The following DCC variants were observed in gnomAD, a reference collection of about 807,000 sequenced individuals.
The protein encoded by DCC is DCC netrin 1 receptor, also known as netrin receptor DCC.
DCC carries 58 observed loss-of-function variants against 172.5 expected under a neutral mutation model. The ratio of observed to expected loss-of-function variants is 0.34; its 90% CI spans 0.27 to 0.42. DCC has a LOEUF of 0.42. DCC is among the 10% of genes least tolerant of loss of function. The pLI is 1.00. For synonymous variants in DCC, 709 were observed against 644.5 expected (o/e 1.10, Z -1.52); for missense variants, 1,740 against 1,791.0 (o/e 0.97, Z 0.51).
intron 1 of DCC, among the ~76,000 whole-genome samples, chr18:52,469,786 G>A: frequency 6.6e-6 from 1 of 152,092 alleles, no homozygotes; most frequent in Middle Eastern, 3.2e-3. Flanking sequence ...AGAGATCCAG[G>A]CATCCTTCTC....
intron 22 of DCC, among the ~76,000 whole-genome samples, chr18:53,443,133 AG>A (rs1479444804): frequency 6.6e-6 from 1 of 152,204 alleles, no homozygotes; most frequent in Non-Finnish European, 1.5e-5. Context: ...CACAGACAAA[AG>A]AACCGTATAT....
chr18:52,967,019 A>G (rs1490834897), intron 5 of DCC, among the ~76,000 whole-genome samples: 3 of 152,112 alleles, frequency 2.0e-5, no homozygotes, highest in Non-Finnish European at 4.4e-5. Context: ...GGCTCACCCT[A>G]TACTAATGGT....
intron 1 of DCC, among the ~76,000 whole-genome samples, chr18:52,585,171 A>G (rs990788852): frequency 3.9e-5 from 6 of 152,216 alleles, no homozygotes; most frequent in African/African-American, 1.4e-4. Flanking sequence ...CTTCCTGGTA[A>G]CCAACATGGA....
rs1303874568 is a variant in DCC, at chr18:53,459,261, G to A, written c.3422G>A (p.Arg1141Lys). The A allele has an allele frequency of 1.9e-6, 3 of 1,614,132 alleles. No individual in the cohort carries two copies. Among genetic ancestry groups the A allele is most frequent in the Non-Finnish European group, 2.5e-6 (3 of 1,180,018 alleles). The change falls in exon 24 of 29, where the codon AGG becomes AAG. Residue 1141 changes from arginine to lysine, a missense_variant. Around this residue, in one of 2 missense-constraint regions of DCC, gnomAD observed 1,732 missense variants for 1,767.4 expected, o/e 0.98. Coordinates refer to ENST00000442544, the MANE Select transcript of DCC (RefSeq NM_005215.4). ...KKRATHSAGK[R>K]KGSQKDLRPP... is the part of the protein sequence containing the mutation. ...CGGGCCACCCACAGTGCTGGCAAAA[G>A]GAAGGGCAGCCAGAAGGACCTCCGA...
At chr18:52,397,875 G>T (rs529216831) in intron 1 of DCC, among the ~76,000 whole-genome samples, 1 of 152,128 alleles carries the variant, frequency 6.6e-6, no homozygotes, top group South Asian at 2.1e-4. Context: ...ATCTGATGGT[G>T]CTGGCCACGG....
chr18:53,409,255 G>T (rs1909844224), intron 19 of DCC, among the ~76,000 whole-genome samples: 1 of 152,134 alleles, frequency 6.6e-6, no homozygotes, highest in Admixed American at 6.6e-5. Context: ...CTGAGTCTGA[G>T]AACCCTCTGA....
chr18:52,649,668 A>C (rs188074168), intron 1 of DCC, among the ~76,000 whole-genome samples: 318 of 152,216 alleles, frequency 2.1e-3, no homozygotes, highest in African/African-American at 7.2e-3. Flanking sequence ...TGTAGTATTG[A>C]CTTTCTGAGT....
intron 1 of DCC, among the ~76,000 whole-genome samples, chr18:52,742,541 G>A (rs1279842436): frequency 6.6e-6 from 1 of 152,116 alleles, no homozygotes; most frequent in Non-Finnish European, 1.5e-5. Flanking sequence ...ATGAAGGAAT[G>A]GCATGAAGAT....
intron 7 of DCC, among the ~76,000 whole-genome samples, chr18:53,152,555 T>TA (rs1163101919): frequency 1.1e-4 from 16 of 141,326 alleles, no homozygotes; most frequent in Admixed American, 8.2e-4. Context: ...TGGCTATTAT[T>TA]AAAAAATTTT....
At chr18:53,459,552 T>C in intron 24 of DCC, 94 bp downstream of exon 24, 1 of 816,660 alleles carries the variant, frequency 1.2e-6, no homozygotes. Context: ...CCCTACTAAT[T>C]TGCATGTCAT....
intron 1 of DCC, among the ~76,000 whole-genome samples, chr18:52,626,817 A>G (rs996832309): frequency 6.6e-6 from 1 of 152,226 alleles, no homozygotes; most frequent in African/African-American, 2.4e-5. Flanking sequence ...TAATCTAGAG[A>G]GGATTTAAAG....
At chr18:52,359,679 G>T (rs1275555258) in intron 1 of DCC, among the ~76,000 whole-genome samples, 1 of 152,108 alleles carries the variant, frequency 6.6e-6, no homozygotes, top group East Asian at 1.9e-4. Context: ...TGACTTCCTT[G>T]GGGTAGCTAT....
intron 1 of DCC, among the ~76,000 whole-genome samples, chr18:52,699,769 T>G (rs1226579054): frequency 6.6e-6 from 1 of 152,168 alleles, no homozygotes; most frequent in Non-Finnish European, 1.5e-5. Context: ...ATTACTTTTT[T>G]TTTCTCTGAA....
chr18:52,531,613 T>G (rs914458868), intron 1 of DCC, among the ~76,000 whole-genome samples: 2 of 152,194 alleles, frequency 1.3e-5, no homozygotes, highest in Admixed American at 1.3e-4. Flanking sequence ...GTGTCTGATC[T>G]ATAGCCTGTC....
intron 25 of DCC, among the ~76,000 whole-genome samples, chr18:53,484,065 T>C (rs770440656): frequency 5.4e-4 from 82 of 152,004 alleles, no homozygotes; most frequent in Non-Finnish European, 1.0e-3. Flanking sequence ...GAGATCTTTA[T>C]AGCAATCACT....
At chr18:52,790,771 T>C (rs2037748112) in intron 2 of DCC, among the ~76,000 whole-genome samples, 1 of 152,232 alleles carries the variant, frequency 6.6e-6, no homozygotes, top group Non-Finnish European at 1.5e-5. Flanking sequence ...CAAAATTCTC[T>C]GCTGCCTGCA....
chr18:52,595,801 G>A (rs1305001194), intron 1 of DCC, among the ~76,000 whole-genome samples: 1 of 149,126 alleles, frequency 6.7e-6, no homozygotes, highest in African/African-American at 2.5e-5. Context: ...ATCTCTGAAA[G>A]CACTGAACTT....
intron 12 of DCC, among the ~76,000 whole-genome samples, chr18:53,258,747 G>C (rs1454860110): frequency 1.3e-5 from 2 of 152,194 alleles, no homozygotes; most frequent in Non-Finnish European, 2.9e-5. Flanking sequence ...GCAGAGCTGA[G>C]TTTAGTTCCT....
At chr18:52,476,595 T>A (rs944210768) in intron 1 of DCC, among the ~76,000 whole-genome samples, 2 of 152,198 alleles carry the variant, frequency 1.3e-5, no homozygotes, top group African/African-American at 4.8e-5. Flanking sequence ...AAACATTTGT[T>A]ACAAATTAAT....
Sources: gnomAD v4.1 joint callset for allele counts (sites outside exome capture counted in the v4.1 genomes callset) on GRCh38, gnomAD v4.1.1 for gene constraint, gnomAD v4.1.1 regional missense constraint, MANE v1.5 for transcripts, NCBI Gene and HGNC (gene_info 2026-07-23, HGNC 2026-07-21) for gene names.